The following PRSS48 variants were observed in gnomAD, a reference collection of about 807,000 sequenced individuals.
The protein encoded by PRSS48 is epidermis-specific serine protease-like protein.
In PRSS48, 21 loss-of-function variants were observed where a neutral mutation model predicts 25.6. The observed-to-expected ratio is 0.82, with a 90% CI of 0.58 to 1.18. The LOEUF (loss-of-function observed/expected upper bound fraction) is 1.18. PRSS48 is among the 50% of genes most tolerant of loss of function. The pLI is 0.00. For synonymous variants in PRSS48, 150 were observed against 149.3 expected, an observed-to-expected ratio of 1.00 and a Z score of -0.04; for missense variants, 373 against 399.3, an observed-to-expected ratio of 0.93 and a Z score of 0.56.
chr4:151,280,047 G>T, intron 2 of PRSS48, 89 bp downstream of exon 2: 1 of 719,756 alleles, frequency 1.4e-6, no homozygotes, highest in Non-Finnish European at 2.0e-6. Flanking sequence ...AAATGAAAGT[G>T]GTAAAATAGG....
chr4:151,289,090 T>G (rs1049165160), intron 4 of PRSS48, among the ~76,000 whole-genome samples: 5 of 152,250 alleles, frequency 3.3e-5, no homozygotes, highest in Non-Finnish European at 5.9e-5. Flanking sequence ...CTTATATTTA[T>G]GGTCAATTAT....
intron 4 of PRSS48, among the ~76,000 whole-genome samples, chr4:151,288,755 A>G (rs1360197058): frequency 2.0e-5 from 3 of 152,184 alleles, no homozygotes; most frequent in Non-Finnish European, 4.4e-5. Flanking sequence ...TAAGAAAACA[A>G]TATTCCATTT....
At position 151,285,100 on chromosome 4, in the gene PRSS48, A is replaced by T. The variant is rs560468976; in HGVS notation, c.651+1814A>T. Among the ~76,000 whole-genome samples, 292 of 152,008 alleles carry T rather than the reference A, an allele frequency of 1.9e-3. 1 individual carries two copies. The highest frequency in any genetic ancestry group is 2.4e-3 in the Non-Finnish European group (166 of 67,982). ...TGCTTTAAGGGAAAAGCCACTTTTT[A>T]AAAAAAAGAGTGTCATTCCTTTCTT... On this transcript the variant is annotated intron_variant, in intron 4 of 4. Transcript: ENST00000455694.
At chr4:151,291,118 G>A (rs758937723) in exon 5 of PRSS48, 5 of 1,606,322 alleles carry the variant, frequency 3.1e-6, no homozygotes, top group African/African-American at 1.3e-5. Flanking sequence ...TCTTCCTTAG[G>A]GTGATTCTGG....
At chr4:151,291,427 T>C in exon 5 of PRSS48, 1 of 1,612,836 alleles carries the variant, frequency 6.2e-7, no homozygotes, top group Non-Finnish European at 8.5e-7. Flanking sequence ...AGAGAATGCA[T>C]GGAGATTTAG....
At chr4:151,291,675 T>C (rs1186281622), downstream of PRSS48, among the ~76,000 whole-genome samples, 1 of 152,194 alleles carries the variant, frequency 6.6e-6, no homozygotes, top group African/African-American at 2.4e-5. Context: ...TAAATAGCTA[T>C]AAGACTAATG....
At chr4:151,283,006 T>C in intron 3 of PRSS48, 111 bp from the exon 4 acceptor site, 2 of 885,580 alleles carry the variant, frequency 2.3e-6, no homozygotes, top group East Asian at 4.9e-5. Flanking sequence ...TGGAAAGGCA[T>C]TGTAAGCTGC....
At chr4:151,286,435 A>G (rs1379865438) in intron 4 of PRSS48, among the ~76,000 whole-genome samples, 4 of 151,500 alleles carry the variant, frequency 2.6e-5, no homozygotes, top group African/African-American at 9.7e-5. Flanking sequence ...ACAGAAATAA[A>G]AAGAATTTGT....
chr4:151,282,462 C>CTGGA, intron 3 of PRSS48, 49 bp downstream of exon 3: 1 of 1,590,978 alleles, frequency 6.3e-7, no homozygotes, highest in Admixed American at 1.7e-5. Context: ...TCCTCTTGTA[C>CTGGA]TCCAGAACAT....
At chr4:151,281,932 C>T (rs1216996976) in intron 2 of PRSS48, among the ~76,000 whole-genome samples, 5 of 151,880 alleles carry the variant, frequency 3.3e-5, no homozygotes, top group African/African-American at 9.7e-5. Flanking sequence ...AAGCCACAAG[C>T]CTCTAGGAAG....
intron 4 of PRSS48, among the ~76,000 whole-genome samples, chr4:151,289,774 T>C (rs1261069543): frequency 1.3e-5 from 2 of 152,132 alleles, no homozygotes; most frequent in African/African-American, 2.4e-5. Flanking sequence ...GATAAAAATA[T>C]GTCCATACAA....
chr4:151,286,204 A>C (rs1268275454), intron 4 of PRSS48, among the ~76,000 whole-genome samples: 1 of 140,782 alleles, frequency 7.1e-6, no homozygotes, highest in Non-Finnish European at 1.6e-5. Flanking sequence ...AAAAAAAAAA[A>C]CAACTAAACC....
intron 1 of PRSS48, among the ~76,000 whole-genome samples, chr4:151,277,504 A>G (rs1277236424): frequency 1.3e-5 from 2 of 152,162 alleles, no homozygotes; most frequent in Non-Finnish European, 2.9e-5. Flanking sequence ...GGTAATAAGT[A>G]CTATGAAAGG....
chr4:151,289,987 C>T (rs72967579), intron 4 of PRSS48, among the ~76,000 whole-genome samples: 4,866 of 152,246 alleles, frequency 0.032, 270 homozygotes, highest in African/African-American at 0.11. Context: ...CAGGGTCTTG[C>T]TCTGTCACCC....
intron 4 of PRSS48, among the ~76,000 whole-genome samples, chr4:151,285,767 T>G (rs1774689003): frequency 6.6e-6 from 1 of 151,922 alleles, no homozygotes; most frequent in Non-Finnish European, 1.5e-5. Flanking sequence ...CTTAGGAGAC[T>G]GGGGCAGGAG....
chr4:151,282,045 T>C, intron 2 of PRSS48, 103 bp from the exon 3 acceptor site: 2 of 1,190,238 alleles, frequency 1.7e-6, no homozygotes, highest in South Asian at 1.5e-5. Flanking sequence ...TAATTCCCAG[T>C]TGGCTACCCT....
At chr4:151,277,797 T>C (rs1394325768) in intron 1 of PRSS48, among the ~76,000 whole-genome samples, 3 of 152,148 alleles carry the variant, frequency 2.0e-5, no homozygotes, top group Non-Finnish European at 4.4e-5. Flanking sequence ...TCCCAGCACT[T>C]TGGGATGCCA....
chr4:151,288,083 T>TA (rs890229581), intron 4 of PRSS48, among the ~76,000 whole-genome samples: 74 of 147,222 alleles, frequency 5.0e-4, no homozygotes, highest in South Asian at 6.5e-4. Flanking sequence ...CGCTTCACGT[T>TA]AAAAAAAAAA....
intron 1 of PRSS48, among the ~76,000 whole-genome samples, chr4:151,277,590 G>C (rs986498246): frequency 2.0e-5 from 3 of 152,086 alleles, no homozygotes; most frequent in Non-Finnish European, 4.4e-5. Flanking sequence ...TCACTAAGAA[G>C]GAGTCATTTG....
Sources: allele counts gnomAD v4.1 joint callset (sites outside exome capture counted in the v4.1 genomes callset), GRCh38; gene constraint gnomAD v4.1.1; transcripts MANE v1.5; gene names NCBI Gene and HGNC (gene_info 2026-07-23, HGNC 2026-07-21).